Variants in MAD1L1 observed in about 807,000 individuals in gnomAD.
The protein encoded by MAD1L1 is mitotic arrest deficient 1 like 1.
MAD1L1 carries 95 observed loss-of-function variants against 96.9 expected under a neutral mutation model. That is an observed-to-expected ratio of 0.98 (90% confidence interval 0.83 to 1.16). The LOEUF (loss-of-function observed/expected upper bound fraction) is 1.16. MAD1L1 is among the 50% of genes most tolerant of loss of function. The pLI, the probability that MAD1L1 is intolerant of heterozygous loss-of-function variation, is 0.00. For synonymous variants in MAD1L1, 473 were observed against 396.6 expected, an observed-to-expected ratio of 1.19 and a Z score of -2.29; for missense variants, 1,007 against 954.4, an observed-to-expected ratio of 1.06 and a Z score of -0.73.
chr7:2,041,854 C>A (rs958002094), intron 12 of MAD1L1, among the ~76,000 whole-genome samples: 1 of 152,064 alleles, frequency 6.6e-6, no homozygotes, highest in African/African-American at 2.4e-5. Context: ...ATACTGAACA[C>A]AAAACTCACT....
Position 2,069,174 on chromosome 7 carries a change from G to C in MAD1L1, c.1218+20C>G. 1.3e-6 allele frequency: 2 copies of C among 1,562,724 alleles called. No homozygotes were observed. Among genetic ancestry groups the C allele is most frequent in the South Asian group, 2.4e-5 (2 of 82,830 alleles). On this transcript the variant is annotated intron_variant, in intron 12 of 18. Coordinates refer to ENST00000265854, the MANE Select transcript of MAD1L1 (RefSeq NM_001013836.2). ...CGCAGCTCCCTGCGACTCTGATCAA[G>C]ATGTAAGGGCATACATCACCTTGGT...
At chr7:2,151,377 AC>A (rs1789561313) in intron 10 of MAD1L1, among the ~76,000 whole-genome samples, 2 of 152,046 alleles carry the variant, frequency 1.3e-5, no homozygotes, top group South Asian at 2.1e-4. Flanking sequence ...AGCCAAGACC[AC>A]CCCGCCTCAC....
chr7:2,227,549 A>G (rs1277501961), intron 3 of MAD1L1, among the ~76,000 whole-genome samples: 1 of 152,180 alleles, frequency 6.6e-6, no homozygotes, highest in Non-Finnish European at 1.5e-5. Context: ...AAGTCCTGAG[A>G]AAAAAGAATT....
At position 1,902,481 on chromosome 7, in the gene MAD1L1, C is replaced by T. The variant is rs548933681; in HGVS notation, c.1808-4091G>A. On this transcript the variant is annotated intron_variant, in intron 17 of 18. Transcript: ENST00000265854. ...GGGAAAAGGAAAACGCGGTACTTTT[C>T]TCTACATCCTCTTTACTCCTTCGAG... Among the ~76,000 whole-genome samples the T allele has an allele frequency of 5.9e-5, 9 of 152,358 alleles. No homozygotes were observed. The East Asian group carries it at 1.4e-3, about 23-fold the overall frequency.
chr7:2,164,996 C>T (rs185893680), intron 10 of MAD1L1, among the ~76,000 whole-genome samples: 36 of 152,182 alleles, frequency 2.4e-4, no homozygotes, highest in Non-Finnish European at 4.9e-4. Flanking sequence ...AGGGCTCTAG[C>T]TAGGGAAAGG....
At chr7:2,097,221 A>G (rs181477302) in intron 11 of MAD1L1, among the ~76,000 whole-genome samples, 54 of 150,080 alleles carry the variant, frequency 3.6e-4, no homozygotes, top group African/African-American at 1.3e-3. Flanking sequence ...TGGCTCTGCC[A>G]CACCCCACCC....
intron 4 of MAD1L1, among the ~76,000 whole-genome samples, chr7:2,224,920 C>T (rs1321534651): frequency 6.6e-6 from 1 of 152,178 alleles, no homozygotes; most frequent in Non-Finnish European, 1.5e-5. Context: ...CCCTGATCCA[C>T]CCCATGACCT....
chr7:2,039,138 G>C (rs1273853851), intron 12 of MAD1L1, among the ~76,000 whole-genome samples: 19 of 152,120 alleles, frequency 1.2e-4, no homozygotes, highest in Non-Finnish European at 1.8e-4. Flanking sequence ...CGACCTTCAG[G>C]GACTGGGCTC....
chr7:2,152,889 G>T (rs1158005556), intron 10 of MAD1L1, among the ~76,000 whole-genome samples: 2 of 152,194 alleles, frequency 1.3e-5, no homozygotes, highest in Admixed American at 6.5e-5. Flanking sequence ...CACCGTGGAG[G>T]CGGTGTCTGG....
chr7:1,953,396 G>A (rs953110393), intron 16 of MAD1L1, among the ~76,000 whole-genome samples: 6 of 152,172 alleles, frequency 3.9e-5, no homozygotes, highest in Admixed American at 6.5e-5. Context: ...CCAGGCCCCC[G>A]CCAGGGAGGA....
At chr7:2,204,143 C>T (rs1233008233) in intron 10 of MAD1L1, among the ~76,000 whole-genome samples, 1 of 152,228 alleles carries the variant, frequency 6.6e-6, no homozygotes, top group Non-Finnish European at 1.5e-5. Flanking sequence ...AACAAAGACC[C>T]AGGAGGTGCA....
intron 18 of MAD1L1, among the ~76,000 whole-genome samples, chr7:1,834,497 C>T (rs533458387): frequency 5.9e-5 from 9 of 152,156 alleles, no homozygotes; most frequent in Non-Finnish European, 1.2e-4. Flanking sequence ...AAATTATGAA[C>T]AACTTTATGC....
chr7:2,125,820 C>T (rs542287935), intron 11 of MAD1L1, among the ~76,000 whole-genome samples: 1 of 152,402 alleles, frequency 6.6e-6, no homozygotes, highest in East Asian at 1.9e-4. Context: ...TCAAGAGAGA[C>T]TCCTGACATT....
chr7:2,071,395 G>A (rs1357777177), intron 11 of MAD1L1, among the ~76,000 whole-genome samples: 4 of 152,240 alleles, frequency 2.6e-5, no homozygotes, highest in African/African-American at 4.8e-5. Context: ...ATGTACTGGC[G>A]TCCAGGACGC....
intron 18 of MAD1L1, among the ~76,000 whole-genome samples, chr7:1,882,160 C>G (rs1785721221): frequency 6.6e-6 from 1 of 152,204 alleles, no homozygotes; most frequent in African/African-American, 2.4e-5. Flanking sequence ...GAGGGCAAAG[C>G]TCACCTTACT....
intron 12 of MAD1L1, among the ~76,000 whole-genome samples, chr7:2,056,789 G>T (rs1461852688): frequency 2.0e-5 from 3 of 152,208 alleles, no homozygotes; most frequent in Non-Finnish European, 4.4e-5. Flanking sequence ...TACACAAGCG[G>T]CCGATCGCGG....
At chr7:1,871,693 A>G (rs906216971) in intron 18 of MAD1L1, among the ~76,000 whole-genome samples, 4 of 145,330 alleles carry the variant, frequency 2.8e-5, no homozygotes, top group Non-Finnish European at 6.0e-5. Flanking sequence ...AACCCAACAT[A>G]ACACCTGCCA....
Position 2,014,750 on chromosome 7 carries a change from C to T in MAD1L1, c.1219-108G>A, listed in dbSNP as rs923458089. Reference sequence around the variant, plus strand: ...GAGCTGGGTCACGCGGGGGCTCCCTCGTGAGGACCCAGGCCAGCACTCAGA... The same window carrying T: ...GAGCTGGGTCACGCGGGGGCTCCCTTGTGAGGACCCAGGCCAGCACTCAGA... On this transcript the variant is annotated intron_variant, in intron 12 of 18. Coordinates refer to ENST00000265854, the MANE Select transcript of MAD1L1 (RefSeq NM_001013836.2). The T allele has an allele frequency of 2.3e-5, 30 of 1,306,570 alleles. No homozygotes were observed. The Admixed American group carries it at 3.7e-4, about 16-fold the overall frequency. The allele number at this position is 1,306,570 out of a possible 1,614,324, so 80.9% of individuals were successfully genotyped here.
chr7:1,860,544 T>C (rs918857510), intron 18 of MAD1L1, among the ~76,000 whole-genome samples: 3 of 152,276 alleles, frequency 2.0e-5, no homozygotes, highest in African/African-American at 2.4e-5. Context: ...GTGGCCTCTG[T>C]TTCCTGTCCC....
Sources: allele counts gnomAD v4.1 joint callset (sites outside exome capture counted in the v4.1 genomes callset), GRCh38; gene constraint gnomAD v4.1.1; transcripts MANE v1.5; gene names NCBI Gene and HGNC (gene_info 2026-07-23, HGNC 2026-07-21).